The following TMEM132E variants were observed in gnomAD, a reference collection of about 807,000 sequenced individuals.
The protein encoded by TMEM132E is transmembrane protein 132E.
Under a neutral mutation model 78.5 loss-of-function variants are expected in TMEM132E, and 49 were observed. The ratio of observed to expected loss-of-function variants is 0.62; its 90% CI spans 0.50 to 0.79. The LOEUF (loss-of-function observed/expected upper bound fraction) is 0.79. TMEM132E is among the 30% of genes least tolerant of loss of function. TMEM132E has a pLI of 0.00. For missense variants in TMEM132E, 1,403 were observed against 1,470.9 expected (o/e 0.95, Z 0.75); for synonymous variants, 715 against 670.6 (o/e 1.07, Z -1.02).
rs1009687133 is a variant in TMEM132E, at chr17:34,630,163, G to A, written c.1482+12G>A. 6.2e-7 allele frequency: 1 copy of A among 1,605,642 alleles called. No individual in the cohort carries two copies. Among genetic ancestry groups the A allele is most frequent in the Non-Finnish European group, 8.5e-7 (1 of 1,173,260 alleles). On this transcript the variant is annotated intron_variant, in intron 5 of 8. Transcript: ENST00000631683. Reference sequence around the variant, plus strand: ...AAGACATCATCAAGGTGGGCATCCTGGAGGTGGGGCCCCTGGGGAAGAAGC... The same window carrying A: ...AAGACATCATCAAGGTGGGCATCCTAGAGGTGGGGCCCCTGGGGAAGAAGC...
intron 1 of TMEM132E, among the ~76,000 whole-genome samples, chr17:34,589,948 G>T (rs1299407962): frequency 1.3e-5 from 2 of 152,202 alleles, no homozygotes; most frequent in South Asian, 2.1e-4. Flanking sequence ...GCAGAGAAAT[G>T]ATCTCAATTT....
chr17:34,588,786 G>T (rs1238215182), intron 1 of TMEM132E, among the ~76,000 whole-genome samples: 1 of 152,178 alleles, frequency 6.6e-6, no homozygotes, highest in Admixed American at 6.5e-5. Context: ...CTGTCACCCT[G>T]GTTGTCACCC....
At chr17:34,612,727 C>G (rs1011121549) in intron 1 of TMEM132E, among the ~76,000 whole-genome samples, 2 of 152,182 alleles carry the variant, frequency 1.3e-5, no homozygotes, top group East Asian at 3.9e-4. Flanking sequence ...ATCTCTACAC[C>G]TGGTCCCCAA....
At chr17:34,608,368 C>T (rs1906484130) in intron 1 of TMEM132E, among the ~76,000 whole-genome samples, 3 of 152,186 alleles carry the variant, frequency 2.0e-5, no homozygotes, top group South Asian at 2.1e-4. Flanking sequence ...CATCTACTAG[C>T]GATGATCTTG....
chr17:34,615,115 T>C (rs958727361), intron 1 of TMEM132E, among the ~76,000 whole-genome samples: 7 of 151,816 alleles, frequency 4.6e-5, no homozygotes, highest in African/African-American at 1.7e-4. Context: ...CCTTGCTGTA[T>C]GCTTTCAGCA....
intron 5 of TMEM132E, among the ~76,000 whole-genome samples, chr17:34,632,217 C>T (rs1369877593): frequency 1.3e-5 from 2 of 152,234 alleles, no homozygotes; most frequent in African/African-American, 4.8e-5. Context: ...CCAGAGAGGC[C>T]GTGGAGGACA....
rs1474961865 is a variant in TMEM132E, at chr17:34,626,282, C to T, written c.223C>T (p.Arg75Cys). 3.1e-6 allele frequency: 5 copies of T among 1,608,982 alleles called. No individual in the cohort carries two copies. Among genetic ancestry groups the T allele is most frequent in the Admixed American group, 1.7e-5 (1 of 59,564 alleles). The change falls in exon 2 of 9, where the codon CGC becomes TGC. Residue 75 changes from arginine to cysteine, a missense_variant. By Grantham distance (180) the Arg-to-Cys change is radical. Transcript: ENST00000631683. ...CGCGGTCGCCAACAGCTCTCTGCAG[C>T]GCTCCGAGCCCTTCGTGGTGTTCCA... is the stretch of plus-strand genomic sequence containing the variant. ...SPAVANSSLQ[R>C]SEPFVVFQTK...
chr17:34,636,075 C>A lies in TMEM132E; in HGVS notation c.2046C>A (p.Ser682Arg). ...TLLTVTEEKV[S>R]ITQLQAQVVA... Reference sequence around the variant, plus strand: ...TGACGGTGACTGAGGAGAAGGTCAGCATCACACAGCTTCAGGCCCAGGTGG... The same window carrying A: ...TGACGGTGACTGAGGAGAAGGTCAGAATCACACAGCTTCAGGCCCAGGTGG... The change falls in exon 8 of 9, where the codon AGC becomes AGA. Residue 682 changes from serine (S) to arginine (R), a missense_variant. Coordinates refer to ENST00000631683, the MANE Select transcript of TMEM132E (RefSeq NM_001304438.2). 6.3e-7 allele frequency: 1 copy of A among 1,592,418 alleles called. No individual in the cohort carries two copies. The highest frequency in any genetic ancestry group is 1.1e-5 in the South Asian group (1 of 87,870).
chr17:34,631,374 G>C (rs1597692113), intron 5 of TMEM132E, among the ~76,000 whole-genome samples: 1 of 152,134 alleles, frequency 6.6e-6, no homozygotes, highest in Non-Finnish European at 1.5e-5. Flanking sequence ...ACTGGGATGG[G>C]AAGAAACAGG....
rs1245968091 is a variant in TMEM132E, at chr17:34,613,207, A to ACGCGCGCG, written c.68-12919_68-12918insGCGCGCGC. 5.8e-3 allele frequency among the ~76,000 whole-genome samples: 480 copies of ACGCGCGCG among 82,964 alleles called. 3 individuals carry two copies. The highest frequency in any genetic ancestry group is 0.016 in the East Asian group (33 of 2,020). The allele number at this position is 82,964 out of a possible 152,430, so 54.4% of individuals were successfully genotyped here. The stretch of plus-strand genomic sequence containing the variant: ...CACACACACACACACCCACACACAC[A>ACGCGCGCG]CACACGCGCGCGCGCGCGCGTTCTT... On this transcript the variant is annotated intron_variant, in intron 1 of 8. Transcript: ENST00000631683.
At chr17:34,614,004 T>G (rs1906696941) in intron 1 of TMEM132E, among the ~76,000 whole-genome samples, 1 of 152,154 alleles carries the variant, frequency 6.6e-6, no homozygotes, top group Non-Finnish European at 1.5e-5. Flanking sequence ...TGTGGCCTCC[T>G]TGCCTTGTTC....
intron 3 of TMEM132E, 65 bp downstream of exon 3, chr17:34,628,774 T>C: frequency 1.3e-6 from 2 of 1,488,560 alleles, no homozygotes; most frequent in South Asian, 2.7e-5. Context: ...GAGTGGGGAA[T>C]CTTTGAAGGA....
chr17:34,619,472 G>A (rs1004406074), intron 1 of TMEM132E, among the ~76,000 whole-genome samples: 7 of 149,574 alleles, frequency 4.7e-5, no homozygotes, highest in East Asian at 3.9e-4. Context: ...CATGGCTCAT[G>A]CCCCCTCTCA....
chr17:34,611,723 G>A (rs1906600153), intron 1 of TMEM132E, among the ~76,000 whole-genome samples: 1 of 152,154 alleles, frequency 6.6e-6, no homozygotes, highest in African/African-American at 2.4e-5. Context: ...AATTATGTAT[G>A]GGTAGGTTTT....
At chr17:34,597,798 T>C (rs1452695730) in intron 1 of TMEM132E, among the ~76,000 whole-genome samples, 1 of 152,150 alleles carries the variant, frequency 6.6e-6, no homozygotes, top group Non-Finnish European at 1.5e-5. Flanking sequence ...TAACCTCCAC[T>C]CATGCTCTCC....
chr17:34,602,055 T>C lies in TMEM132E; in HGVS notation c.67+20912T>C, dbSNP rs1390148412. ...TGGCCCCTTGGGAGTCCTGCTACCA[T>C]GGCCCCCTGAGGGGTTCCAGGGAAC... On this transcript the variant is annotated intron_variant, in intron 1 of 8. Transcript: ENST00000631683. Among the ~76,000 whole-genome samples the C allele has an allele frequency of 2.0e-5, 3 of 152,214 alleles. No individual in the cohort carries two copies. The East Asian group carries it at 5.8e-4, about 29-fold the overall frequency.
intron 1 of TMEM132E, among the ~76,000 whole-genome samples, chr17:34,623,858 C>T (rs965886682): frequency 3.9e-5 from 6 of 152,130 alleles, no homozygotes; most frequent in East Asian, 1.9e-4. Context: ...TGCAGGGACA[C>T]GTTATGAGAC....
chr17:34,638,104 G>A lies in TMEM132E; in HGVS notation c.3097G>A (p.Ala1033Thr), dbSNP rs560034204. The A allele has an allele frequency of 1.2e-5, 19 of 1,599,318 alleles. No homozygotes were observed. In the East Asian group the frequency reaches 3.6e-4, roughly 30 times the overall value. The change falls in exon 9 of 9, where the codon GCG (alanine) becomes ACG (threonine). Residue 1033 changes from alanine (A) to threonine (T), a missense_variant. Ala to Thr is a moderately conservative substitution (Grantham distance 58). Around this residue, in one of 3 missense-constraint regions of TMEM132E, gnomAD observed 888 missense variants for 952.8 expected, o/e 0.93. Transcript: ENST00000631683. ...SEELAYDSVP[A>T]GEEDEEEEED... Reference sequence around the variant, plus strand: ...GGAGCTGGCCTATGACTCGGTGCCCGCGGGCGAAGAGGACGAGGAGGAGGA... The same window carrying A: ...GGAGCTGGCCTATGACTCGGTGCCCACGGGCGAAGAGGACGAGGAGGAGGA...
chr17:34,626,388 C>G lies in TMEM132E; in HGVS notation c.329C>G (p.Pro110Arg). Reference sequence around the variant, plus strand: ...GTGGTGGCGCGGGAGCTCCTGCAGCCGTCCAGCACCCTGGACATCCCCGAG... The same window carrying G: ...GTGGTGGCGCGGGAGCTCCTGCAGCGGTCCAGCACCCTGGACATCCCCGAG... ...SQVVARELLQ[P>R]SSTLDIPERL... Residue 110 changes from proline to arginine, a missense_variant, in exon 2 of 9, where the codon CCG becomes CGG. Pro to Arg is a moderately radical substitution (Grantham distance 103, BLOSUM62 -2). This residue lies in a region of TMEM132E where 511 missense variants were observed against 499.0 expected (regional missense o/e 1.02). Coordinates refer to ENST00000631683, the MANE Select transcript of TMEM132E (RefSeq NM_001304438.2). The G allele has an allele frequency of 2.5e-6, 4 of 1,613,290 alleles. No individual in the cohort carries two copies. Among genetic ancestry groups the G allele is most frequent in the Non-Finnish European group, 2.5e-6 (3 of 1,179,808 alleles).
Sources: allele counts gnomAD v4.1 joint callset (sites outside exome capture counted in the v4.1 genomes callset), GRCh38; gene constraint gnomAD v4.1.1; regional missense constraint gnomAD v4.1.1; transcripts MANE v1.5; gene names NCBI Gene and HGNC (gene_info 2026-07-23, HGNC 2026-07-21).